IFT27: variants seen among roughly 807,000 people sequenced by gnomAD.
The protein encoded by IFT27 is intraflagellar transport 27, also known as intraflagellar transport protein 27 homolog.
IFT27 carries 19 observed loss-of-function variants against 23.9 expected under a neutral mutation model. That is an observed-to-expected ratio of 0.79 (90% CI 0.55 to 1.16). IFT27 has a LOEUF of 1.16. Ranked by LOEUF, IFT27 falls within the 50% of genes most tolerant of loss-of-function variation. The pLI is 0.00. For synonymous variants in IFT27, 91 were observed against 89.1 expected, an observed-to-expected ratio of 1.02 and a Z score of -0.12; for missense variants, 206 against 228.7, an observed-to-expected ratio of 0.90 and a Z score of 0.64.
chr22:36,766,369 G>A, intron 3 of IFT27, 172 bp from the exon 4 acceptor site: 2 of 624,784 alleles, frequency 3.2e-6, no homozygotes, highest in Non-Finnish European at 2.9e-6. Context: ...AAGGGGAAAG[G>A]AGCGAACTCC....
At chr22:36,770,718 T>A (rs1569078691) in intron 1 of IFT27, among the ~76,000 whole-genome samples, 1 of 152,130 alleles carries the variant, frequency 6.6e-6, no homozygotes. Flanking sequence ...CAGCCTCCCT[T>A]GCATTCCTCA....
intron 4 of IFT27, 103 bp from the exon 5 acceptor site, chr22:36,764,139 G>C (rs985727362): frequency 2.9e-5 from 23 of 791,486 alleles, no homozygotes; most frequent in Non-Finnish European, 3.1e-5. Context: ...GGGGAGCAGA[G>C]GGAAACAAGA....
intron 1 of IFT27, among the ~76,000 whole-genome samples, chr22:36,769,780 C>T (rs1023667116): frequency 6.6e-6 from 1 of 152,220 alleles, no homozygotes; most frequent in African/African-American, 2.4e-5. Flanking sequence ...TCCTTGGGCC[C>T]TGACTGCACC....
chr22:36,774,670 G>C (rs1388946607), intron 1 of IFT27, among the ~76,000 whole-genome samples: 5 of 152,158 alleles, frequency 3.3e-5, no homozygotes, highest in African/African-American at 1.2e-4. Context: ...AAATTAGCCG[G>C]GCATGGTGGC....
intron 2 of IFT27, 147 bp from the exon 3 acceptor site, chr22:36,767,512 C>A: frequency 1.4e-6 from 1 of 734,656 alleles, no homozygotes; most frequent in Non-Finnish European, 2.3e-6. Context: ...AGCAGCTCAG[C>A]ATGCAGAAGT....
chr22:36,772,955 C>T (rs956336101), intron 1 of IFT27, among the ~76,000 whole-genome samples: 1 of 152,158 alleles, frequency 6.6e-6, no homozygotes, highest in Non-Finnish European at 1.5e-5. Flanking sequence ...TGTGGAATCC[C>T]TGAAAAGAGG....
chr22:36,772,661 T>A, intron 1 of IFT27: 1 of 985,450 alleles, frequency 1.0e-6, no homozygotes, highest in Non-Finnish European at 1.2e-6. Flanking sequence ...AACTGACTCA[T>A]GCTTGCAGGC....
intron 4 of IFT27, among the ~76,000 whole-genome samples, chr22:36,765,013 G>A (rs935981466): frequency 2.0e-5 from 3 of 152,130 alleles, no homozygotes; most frequent in Non-Finnish European, 4.4e-5. Context: ...TGGAAGGCGG[G>A]CCCAGATTCC....
rs1237423384 is a variant in IFT27 at position 36,776,085 on chromosome 22, C to T, written c.-378G>A. 1.4e-5 allele frequency: 4 copies of T among 287,556 alleles called. No homozygotes were observed. The highest frequency in any genetic ancestry group is 2.0e-5 in the Non-Finnish European group (3 of 147,482). The allele number at this position is 287,556 out of a possible 1,614,324, so 17.8% of individuals were successfully genotyped here. Reference sequence around the variant, plus strand: ...TCTCCTCCGATCACAAGTACCGGGCCGGATGCACTCTCCAAGCAACCATAG... The same window carrying T: ...TCTCCTCCGATCACAAGTACCGGGCTGGATGCACTCTCCAAGCAACCATAG... On this transcript the variant is annotated 5_prime_UTR_variant, in exon 1 of 7. Coordinates refer to ENST00000433985, the MANE Select transcript of IFT27 (RefSeq NM_001177701.3).
chr22:36,769,142 AT>A (rs1331521978), intron 1 of IFT27, among the ~76,000 whole-genome samples: 1 of 151,938 alleles, frequency 6.6e-6, no homozygotes, highest in Non-Finnish European at 1.5e-5. Context: ...CTGCTTTTCT[AT>A]TTGTCATCAC....
intron 1 of IFT27, among the ~76,000 whole-genome samples, chr22:36,774,051 T>C (rs1220810622): frequency 4.6e-5 from 7 of 152,100 alleles, no homozygotes; most frequent in African/African-American, 1.7e-4. Context: ...ATAAGGAAAT[T>C]AAAGCTCAAA....
chr22:36,767,437 A>G, intron 2 of IFT27, 72 bp from the exon 3 acceptor site: 1 of 1,357,988 alleles, frequency 7.4e-7, no homozygotes, highest in South Asian at 1.3e-5. Flanking sequence ...AGGACACACA[A>G]GCACCCCGAT....
intron 4 of IFT27, among the ~76,000 whole-genome samples, chr22:36,765,309 G>A (rs560218044): frequency 6.6e-6 from 1 of 152,286 alleles, no homozygotes; most frequent in South Asian, 2.1e-4. Context: ...GGCTGGAGGG[G>A]AGGGTGTGAG....
intron 1 of IFT27, among the ~76,000 whole-genome samples, chr22:36,772,891 G>A (rs367620677): frequency 6.6e-6 from 1 of 152,134 alleles, no homozygotes; most frequent in South Asian, 2.1e-4. Flanking sequence ...GTCAGAGGGG[G>A]CTGATTTCTG....
chr22:36,763,101 G>T, intron 5 of IFT27, 88 bp from the exon 6 acceptor site: 3 of 892,778 alleles, frequency 3.4e-6, no homozygotes, highest in Non-Finnish European at 5.1e-6. Context: ...TTTTTGAGGG[G>T]TGTAAAGCAT....
intron 1 of IFT27, among the ~76,000 whole-genome samples, chr22:36,771,201 C>A (rs542551548): frequency 6.6e-6 from 1 of 152,344 alleles, no homozygotes; most frequent in South Asian, 2.1e-4. Flanking sequence ...GCCCCACATG[C>A]TTCCCTCTGC....
At chr22:36,760,837 C>T (rs1938071276) in intron 6 of IFT27, 1 of 167,114 alleles carries the variant, frequency 6.0e-6, no homozygotes, top group South Asian at 2.1e-4. Context: ...CCCCACTCCT[C>T]GCTTGCCTGG....
At chr22:36,772,425 A>C (rs1414044462) in intron 1 of IFT27, 21 of 796,038 alleles carry the variant, frequency 2.6e-5, no homozygotes, top group Non-Finnish European at 3.0e-5. Flanking sequence ...GGATTTAATG[A>C]GTTAATATGC....
intron 1 of IFT27, chr22:36,768,128 A>G: frequency 3.4e-6 from 2 of 591,758 alleles, no homozygotes; most frequent in East Asian, 4.0e-5. Context: ...GAACTTACAG[A>G]GGGCTTTGGG....
Sources: gnomAD v4.1 joint callset for allele counts (sites outside exome capture counted in the v4.1 genomes callset) on GRCh38, gnomAD v4.1.1 for gene constraint, MANE v1.5 for transcripts, NCBI Gene and HGNC (gene_info 2026-07-23, HGNC 2026-07-21) for gene names.